REPS1: variants seen among roughly 807,000 people sequenced by gnomAD.
The protein encoded by REPS1 is RALBP1 associated Eps domain containing 1.
In REPS1, 39 loss-of-function variants were observed where a neutral mutation model predicts 100.9. The ratio of observed to expected loss-of-function variants is 0.39; its 90% confidence interval spans 0.30 to 0.50. The LOEUF is 0.50. Ranked by LOEUF, REPS1 falls within the 20% of genes least tolerant of loss-of-function variation. The pLI is 0.86. For synonymous variants in REPS1, 324 were observed against 340.3 expected, an observed-to-expected ratio of 0.95 and a Z score of 0.53; for missense variants, 821 against 968.5, an observed-to-expected ratio of 0.85 and a Z score of 2.02.
At chr6:138,981,841 G>A (rs1024419928) in intron 1 of REPS1, among the ~76,000 whole-genome samples, 1 of 152,062 alleles carries the variant, frequency 6.6e-6, no homozygotes, top group Non-Finnish European at 1.5e-5. Flanking sequence ...CTCTTGTGTC[G>A]CTCCATCAAA....
intron 8 of REPS1, among the ~76,000 whole-genome samples, chr6:138,938,785 C>T (rs750833431): frequency 2.0e-5 from 3 of 151,948 alleles, no homozygotes; most frequent in Admixed American, 6.6e-5. Flanking sequence ...TAATGTCAGC[C>T]GAAAGAAACT....
At chr6:138,913,012 ATCT>A (rs1241093027) in intron 15 of REPS1, 62 bp from the exon 16 acceptor site, 26 of 1,404,740 alleles carry the variant, frequency 1.9e-5, no homozygotes, top group Admixed American at 2.4e-5. Context: ...TCACAGAGTC[ATCT>A]TCTTCTTCTT....
chr6:138,965,808 A>G (rs1783985169), intron 1 of REPS1, among the ~76,000 whole-genome samples: 1 of 152,206 alleles, frequency 6.6e-6, no homozygotes, highest in South Asian at 2.1e-4. Flanking sequence ...AAGGAGTAGT[A>G]TTTTTCAAGA....
chr6:138,933,062 C>T (rs187344122), intron 8 of REPS1, among the ~76,000 whole-genome samples: 55 of 152,254 alleles, frequency 3.6e-4, no homozygotes, highest in Non-Finnish European at 5.9e-4. Context: ...CAATGCATTA[C>T]GGTATAAAAT....
At chr6:138,957,729 T>C (rs1372902107) in intron 1 of REPS1, among the ~76,000 whole-genome samples, 1 of 152,146 alleles carries the variant, frequency 6.6e-6, no homozygotes, top group African/African-American at 2.4e-5. Flanking sequence ...TCAACGGCTA[T>C]GAAGGCAAAC....
intron 8 of REPS1, among the ~76,000 whole-genome samples, chr6:138,933,889 G>T (rs1225136135): frequency 6.6e-6 from 1 of 151,844 alleles, no homozygotes. Flanking sequence ...GCCTAAAGGG[G>T]TCTTAAGATT....
At position 138,920,195 on chromosome 6, in the gene REPS1, A is replaced by G. The variant is rs9495285; in HGVS notation, c.1528+20T>C. ...CCAGACTTAGTAAACTTCAAATGGA[A>G]GATGTAATACTTCACTTACCTACAG... is the stretch of plus-strand genomic sequence containing the variant. On this transcript the variant is annotated intron_variant, in intron 12 of 19. Coordinates refer to ENST00000450536, the MANE Select transcript of REPS1 (RefSeq NM_001286611.2). 178,688 of 1,224,370 alleles carry G rather than the reference A, an allele frequency of 0.15. 14,481 individuals are homozygous for G. The highest frequency in any genetic ancestry group is 0.17 in the African/African-American group (11,652 of 67,158). 75.8% of individuals were successfully genotyped at this position (1,224,370 alleles called of 1,614,324 possible).
At chr6:138,941,229 T>C in intron 8 of REPS1, 106 bp downstream of exon 8, 2 of 1,167,728 alleles carry the variant, frequency 1.7e-6, no homozygotes, top group Non-Finnish European at 1.2e-6. Context: ...TGATGAAATA[T>C]CTAAGCTATT....
rs1780001254 is a variant in REPS1, at chr6:138,911,484, AGAT to A, written c.1972-116_1972-114del. On this transcript the variant is annotated intron_variant, in intron 16 of 19. Coordinates refer to ENST00000450536, the MANE Select transcript of REPS1 (RefSeq NM_001286611.2). ...GTTAAATATTCTGACAAGAAAACTG[AGAT>A]GATGATAAGAAACTTGAAGGAACTT... 5 of 752,782 alleles carry A rather than the reference AGAT, an allele frequency of 6.6e-6. No individual in the cohort carries two copies. The South Asian group carries it at 6.9e-5, about 10-fold the overall frequency. 46.6% of individuals were successfully genotyped at this position (752,782 alleles called of 1,614,324 possible). A position where few individuals can be genotyped will look rare whatever the true frequency, so the allele number is the denominator to read the frequency against.
intron 9 of REPS1, chr6:138,928,891 T>C (rs1275271655): frequency 1.3e-5 from 2 of 152,202 alleles, no homozygotes; most frequent in African/African-American, 2.4e-5. Context: ...TTAATGGTTT[T>C]GCATCCAATA....
chr6:138,934,687 G>A (rs935378868), intron 8 of REPS1, among the ~76,000 whole-genome samples: 1 of 152,172 alleles, frequency 6.6e-6, no homozygotes, highest in African/African-American at 2.4e-5. Flanking sequence ...GAAAGTGACT[G>A]CTGGCTGTTA....
At chr6:138,912,145 C>A (rs1330859110) in intron 16 of REPS1, among the ~76,000 whole-genome samples, 1 of 152,152 alleles carries the variant, frequency 6.6e-6, no homozygotes. Context: ...TTGCAGAATT[C>A]CTCTGGTCTC....
intron 1 of REPS1, among the ~76,000 whole-genome samples, chr6:138,985,073 T>C (rs1421318229): frequency 6.6e-6 from 1 of 152,226 alleles, no homozygotes; most frequent in Non-Finnish European, 1.5e-5. Context: ...CGTTATCTGC[T>C]GCCCTTCTTC....
intron 8 of REPS1, among the ~76,000 whole-genome samples, chr6:138,937,063 C>T (rs1184976854): frequency 1.3e-5 from 2 of 152,046 alleles, no homozygotes; most frequent in Non-Finnish European, 2.9e-5. Context: ...AGGAGCAAGT[C>T]ACATCTTACA....
Position 138,987,715 on chromosome 6 carries a change from C to A in REPS1, c.-33G>T. ...TCCGGCTCACGGCCGCCCCGCCCCG[C>A]ATGCACTACTCGGGGCCCGGCCCCA... On this transcript the variant is annotated 5_prime_UTR_variant, in exon 1 of 20. An upstream start codon of the reference 5' UTR is lost. Coordinates refer to ENST00000450536, the MANE Select transcript of REPS1 (RefSeq NM_001286611.2). 1 of 1,516,916 alleles carries A rather than the reference C, an allele frequency of 6.6e-7. No individual in the cohort carries two copies. The highest frequency in any genetic ancestry group is 8.9e-7 in the Non-Finnish European group (1 of 1,129,612). The allele number at this position is 1,516,916 out of a possible 1,614,324, so 94.0% of individuals were successfully genotyped here. A position where few individuals can be genotyped will look rare whatever the true frequency, so the allele number is the denominator to read the frequency against.
chr6:138,955,170 T>G (rs1783291065), intron 1 of REPS1, among the ~76,000 whole-genome samples: 1 of 152,044 alleles, frequency 6.6e-6, no homozygotes, highest in Non-Finnish European at 1.5e-5. Flanking sequence ...ACATAGTCCA[T>G]CAGGTATGAT....
chr6:138,947,960 C>T (rs1782747353), intron 1 of REPS1, 47 bp from the exon 2 acceptor site: 2 of 1,514,812 alleles, frequency 1.3e-6, no homozygotes, highest in Non-Finnish European at 1.8e-6. Flanking sequence ...ACAAAAATCT[C>T]CCTTCAAAAA....
intron 8 of REPS1, among the ~76,000 whole-genome samples, chr6:138,932,584 G>C (rs1781553481): frequency 6.6e-6 from 1 of 151,928 alleles, no homozygotes; most frequent in Non-Finnish European, 1.5e-5. Context: ...ATCTTCCTCT[G>C]TGTGTCAAAA....
intron 1 of REPS1, among the ~76,000 whole-genome samples, chr6:138,955,977 C>G (rs1421831977): frequency 6.6e-6 from 1 of 152,108 alleles, no homozygotes; most frequent in Non-Finnish European, 1.5e-5. Flanking sequence ...TCATAGTGGA[C>G]TTTATATAGT....
Sources: gnomAD v4.1 joint callset for allele counts (sites outside exome capture counted in the v4.1 genomes callset) on GRCh38, gnomAD v4.1.1 for gene constraint, MANE v1.5 for transcripts, NCBI Gene and HGNC (gene_info 2026-07-23, HGNC 2026-07-21) for gene names.